EPHA6: variants seen among roughly 807,000 people sequenced by gnomAD.
The protein encoded by EPHA6 is ephrin type-A receptor 6.
In EPHA6, 50 loss-of-function variants were observed where a neutral mutation model predicts 112.0. The observed-to-expected ratio is 0.45, with a 90% CI of 0.36 to 0.56. The LOEUF is 0.56. EPHA6 is among the 20% of genes least tolerant of loss of function. The probability of loss-of-function intolerance (pLI) is 0.00; values close to 1 mark genes in which losing one functional copy is unlikely to be tolerated. For synonymous variants in EPHA6, 529 were observed against 490.7 expected (o/e 1.08, Z -1.03); for missense variants, 1,280 against 1,417.4 (o/e 0.90, Z 1.56).
intron 13 of EPHA6, among the ~76,000 whole-genome samples, chr3:97,637,199 A>T (rs374900748): frequency 6.6e-6 from 1 of 152,262 alleles, no homozygotes; most frequent in Admixed American, 6.5e-5. Context: ...CATTCTCCAC[A>T]TCATTTAATT....
chr3:96,922,078 C>G (rs933019570), intron 2 of EPHA6, among the ~76,000 whole-genome samples: 2 of 151,888 alleles, frequency 1.3e-5, no homozygotes, highest in Admixed American at 6.6e-5. Context: ...AAACAGAAAG[C>G]CTTTTTAAGA....
chr3:97,660,930 C>T (rs1276740137), intron 14 of EPHA6, among the ~76,000 whole-genome samples: 1 of 152,040 alleles, frequency 6.6e-6, no homozygotes, highest in Non-Finnish European at 1.5e-5. Flanking sequence ...TTGTTCTAAT[C>T]TGAATTCTTC....
intron 2 of EPHA6, among the ~76,000 whole-genome samples, chr3:96,882,730 CTGTGTGTGTGTGTGTGTGTGTGTG>C (rs1207060710): frequency 7.7e-6 from 1 of 129,240 alleles, no homozygotes; most frequent in Non-Finnish European, 1.6e-5. Flanking sequence ...CATTGTGTGT[CTGTGTGTGTGTGTGTGTGTGTGTG>C]TGTGTGTGTG....
intron 12 of EPHA6, among the ~76,000 whole-genome samples, chr3:97,610,206 A>T (rs1019088801): frequency 2.2e-4 from 33 of 151,624 alleles, no homozygotes; most frequent in African/African-American, 7.7e-4. Context: ...ATAATCAGGA[A>T]CTATTACAAA....
At chr3:97,315,484 C>T (rs1029272592) in intron 5 of EPHA6, among the ~76,000 whole-genome samples, 1 of 151,538 alleles carries the variant, frequency 6.6e-6, no homozygotes, top group Non-Finnish European at 1.5e-5. Flanking sequence ...GTGTGGCCCA[C>T]TCTGTCATAA....
intron 3 of EPHA6, among the ~76,000 whole-genome samples, chr3:97,045,953 T>G (rs1052682143): frequency 2.4e-4 from 36 of 152,068 alleles, no homozygotes; most frequent in Admixed American, 1.6e-3. Context: ...TTTGAAATCA[T>G]AGTGTAAAAC....
chr3:97,021,724 C>T (rs1317707901), intron 3 of EPHA6, among the ~76,000 whole-genome samples: 1 of 152,208 alleles, frequency 6.6e-6, no homozygotes, highest in Non-Finnish European at 1.5e-5. Context: ...CTATTGGTTT[C>T]AGGCCTGAGC....
intron 2 of EPHA6, among the ~76,000 whole-genome samples, chr3:96,911,369 TA>T (rs1450099042): frequency 6.6e-6 from 1 of 152,090 alleles, no homozygotes; most frequent in Non-Finnish European, 1.5e-5. Context: ...CACTTTAATG[TA>T]AGAATACGGT....
At chr3:97,197,863 A>G (rs1011586254) in intron 3 of EPHA6, among the ~76,000 whole-genome samples, 37 of 152,042 alleles carry the variant, frequency 2.4e-4, no homozygotes, top group African/African-American at 8.9e-4. Flanking sequence ...CCCAGAATGG[A>G]CAATTCCTTT....
intron 14 of EPHA6, among the ~76,000 whole-genome samples, chr3:97,679,865 T>C (rs150548620): frequency 5.3e-5 from 8 of 152,302 alleles, no homozygotes; most frequent in Non-Finnish European, 1.0e-4. Context: ...AGATCCAGCA[T>C]GAAGAAACCT....
At chr3:97,696,626 C>A (rs556724405) in intron 14 of EPHA6, among the ~76,000 whole-genome samples, 26 of 152,294 alleles carry the variant, frequency 1.7e-4, no homozygotes, top group African/African-American at 5.3e-4. Flanking sequence ...AAAATAGATT[C>A]TTCTGGCACA....
chr3:97,183,459 A>G (rs1470603749), intron 3 of EPHA6, among the ~76,000 whole-genome samples: 5 of 152,172 alleles, frequency 3.3e-5, no homozygotes, highest in African/African-American at 1.2e-4. Flanking sequence ...TTCTGGCACA[A>G]CTATATTTTA....
intron 2 of EPHA6, among the ~76,000 whole-genome samples, chr3:96,958,798 C>T (rs1316910297): frequency 6.6e-6 from 1 of 152,170 alleles, no homozygotes; most frequent in African/African-American, 2.4e-5. Flanking sequence ...GAGATTCTTT[C>T]TACTTAGGAC....
chr3:96,947,836 T>G (rs996937410), intron 2 of EPHA6, among the ~76,000 whole-genome samples: 1 of 152,106 alleles, frequency 6.6e-6, no homozygotes, highest in Non-Finnish European at 1.5e-5. Context: ...AGGTAACTTA[T>G]AGATTCAATG....
intron 2 of EPHA6, among the ~76,000 whole-genome samples, chr3:96,953,511 G>T (rs1191377907): frequency 6.6e-6 from 1 of 152,094 alleles, no homozygotes; most frequent in African/African-American, 2.4e-5. Context: ...AAAGTTTATG[G>T]CTCCTGCATA....
At chr3:97,349,025 C>T (rs1331505645) in intron 5 of EPHA6, among the ~76,000 whole-genome samples, 1 of 152,078 alleles carries the variant, frequency 6.6e-6, no homozygotes, top group Non-Finnish European at 1.5e-5. Flanking sequence ...TTCTTTTATA[C>T]TGCCCGTAAA....
At chr3:96,885,410 T>C (rs1302242929) in intron 2 of EPHA6, among the ~76,000 whole-genome samples, 1 of 152,192 alleles carries the variant, frequency 6.6e-6, no homozygotes, top group Admixed American at 6.6e-5. Flanking sequence ...CGCTGCTTGT[T>C]ATTGGTCTGT....
At chr3:97,136,997 C>A (rs964067081) in intron 3 of EPHA6, among the ~76,000 whole-genome samples, 1 of 151,902 alleles carries the variant, frequency 6.6e-6, no homozygotes, top group African/African-American at 2.4e-5. Context: ...TATATAATAA[C>A]CTACCATCAA....
intron 5 of EPHA6, among the ~76,000 whole-genome samples, chr3:97,404,829 G>A (rs990721561): frequency 6.6e-6 from 1 of 152,072 alleles, no homozygotes; most frequent in Admixed American, 6.6e-5. Context: ...CAAGTGTATT[G>A]TATTTCATGT....
Sources: gnomAD v4.1 joint callset for allele counts (sites outside exome capture counted in the v4.1 genomes callset) on GRCh38, gnomAD v4.1.1 for gene constraint, MANE v1.5 for transcripts, NCBI Gene and HGNC (gene_info 2026-07-23, HGNC 2026-07-21) for gene names.